BICDL1: variants seen among roughly 807,000 people sequenced by gnomAD.
The protein encoded by BICDL1 is BICD family-like cargo adapter 1.
BICDL1 carries 20 observed loss-of-function variants against 76.8 expected under a neutral mutation model. The ratio of observed to expected loss-of-function variants is 0.26; its 90% CI spans 0.18 to 0.38. BICDL1 has a LOEUF of 0.38. Among genes scored for constraint, BICDL1 ranks in the 10% least tolerant of loss-of-function variants. The probability of loss-of-function intolerance (pLI) is 1.00; values close to 1 mark genes in which losing one functional copy is unlikely to be tolerated. For synonymous variants in BICDL1, 383 were observed against 337.1 expected (o/e 1.14, Z -1.49); for missense variants, 700 against 798.6 (o/e 0.88, Z 1.49).
intron 2 of BICDL1, among the ~76,000 whole-genome samples, chr12:120,056,852 C>A (rs948283879): frequency 2.6e-5 from 4 of 152,208 alleles, no homozygotes; most frequent in Non-Finnish European, 4.4e-5. Flanking sequence ...AGCACTGACC[C>A]TGCTGGGCAG....
intron 8 of BICDL1, 126 bp from the exon 9 acceptor site, chr12:120,089,822 AGCT>A (rs370792404): frequency 1.9e-6 from 2 of 1,065,856 alleles, no homozygotes; most frequent in African/African-American, 3.2e-5. Context: ...TTATTGTTGC[AGCT>A]GCTATTTGTT....
At chr12:120,059,119 G>A (rs920092050) in intron 2 of BICDL1, among the ~76,000 whole-genome samples, 1 of 149,812 alleles carries the variant, frequency 6.7e-6, no homozygotes, top group South Asian at 2.1e-4. Flanking sequence ...TTTTTGAGAC[G>A]TAGTCTTGCT....
chr12:120,033,705 A>G (rs1952476975), intron 2 of BICDL1, among the ~76,000 whole-genome samples: 1 of 151,790 alleles, frequency 6.6e-6, no homozygotes, highest in Non-Finnish European at 1.5e-5. Context: ...TTGCTTTTAA[A>G]TTTACCTGGT....
intron 6 of BICDL1, among the ~76,000 whole-genome samples, chr12:120,073,631 C>T (rs934628520): frequency 1.3e-5 from 2 of 152,202 alleles, no homozygotes; most frequent in Non-Finnish European, 2.9e-5. Context: ...CCTCCACTCA[C>T]GCTCCCAGCT....
In BICDL1 at chr12:119,989,848, C is replaced by CG. The variant is rs1393237137; in HGVS notation, c.-18dup. On this transcript the variant is annotated 5_prime_UTR_variant, in exon 1 of 10. Transcript: ENST00000548673. ...GCGCGCGGGCCGGGCCGCACCGCTG[C>CG]GGGCTCCGCGCGCGCGGGCCATGTC... 9.9e-6 allele frequency: 13 copies of CG among 1,314,680 alleles called. No homozygotes were observed. In the African/African-American group the frequency reaches 2.1e-4, roughly 21 times the overall value. The allele number at this position is 1,314,680 out of a possible 1,614,324, so 81.4% of individuals were successfully genotyped here.
intron 2 of BICDL1, among the ~76,000 whole-genome samples, chr12:120,044,711 AGTTGTAGATATGCGGC>A (rs1057239167): frequency 6.6e-6 from 1 of 152,112 alleles, no homozygotes; most frequent in African/African-American, 2.4e-5. Context: ...AAGATCAGAT[AGTTGTAGATATGCGGC>A]GTTATTTCTG....
chr12:120,036,790 C>T (rs1952538643), intron 2 of BICDL1, among the ~76,000 whole-genome samples: 1 of 152,192 alleles, frequency 6.6e-6, no homozygotes, highest in South Asian at 2.1e-4. Context: ...ACAGAAGAAT[C>T]ACTTGAACCC....
intron 2 of BICDL1, among the ~76,000 whole-genome samples, chr12:120,012,264 G>A (rs1951970117): frequency 1.3e-5 from 2 of 152,302 alleles, no homozygotes; most frequent in East Asian, 1.9e-4. Context: ...CACGACTGAC[G>A]GTGTGGGGAA....
chr12:120,008,622 T>C (rs941706611), intron 2 of BICDL1, among the ~76,000 whole-genome samples: 22 of 152,316 alleles, frequency 1.4e-4, no homozygotes, highest in Middle Eastern at 3.4e-3. Context: ...CCACTTCATA[T>C]GTATTTCTAT....
intron 9 of BICDL1, chr12:120,092,252 C>G (rs1875034881): frequency 1.0e-6 from 1 of 985,300 alleles, no homozygotes; most frequent in Non-Finnish European, 1.2e-6. Context: ...TTCTGTAAAA[C>G]ATGGTGGGGC....
chr12:120,017,910 T>A (rs1321157546), intron 2 of BICDL1, among the ~76,000 whole-genome samples: 1 of 152,208 alleles, frequency 6.6e-6, no homozygotes, highest in African/African-American at 2.4e-5. Flanking sequence ...CACAAACTTT[T>A]TTGAAATGGG....
chr12:120,081,349 C>CTTTTT (rs1184204926), intron 8 of BICDL1, among the ~76,000 whole-genome samples: 4 of 116,962 alleles, frequency 3.4e-5, no homozygotes, highest in African/African-American at 6.9e-5. Flanking sequence ...AAGAGCTTTC[C>CTTTTT]TTTTTTTTTT....
At chr12:119,991,574 A>G (rs1027519011) in intron 1 of BICDL1, among the ~76,000 whole-genome samples, 2 of 152,140 alleles carry the variant, frequency 1.3e-5, no homozygotes, top group Non-Finnish European at 2.9e-5. Flanking sequence ...TGAATTGTTT[A>G]ATTTTCACTT....
intron 2 of BICDL1, among the ~76,000 whole-genome samples, chr12:120,008,948 T>G (rs1338471722): frequency 1.4e-5 from 2 of 146,288 alleles, no homozygotes; most frequent in South Asian, 2.1e-4. Flanking sequence ...ATAGAGGTGT[T>G]TTTTTTTTTT....
At chr12:120,088,870 T>C (rs913169357) in intron 8 of BICDL1, among the ~76,000 whole-genome samples, 9 of 151,608 alleles carry the variant, frequency 5.9e-5, no homozygotes, top group Non-Finnish European at 1.2e-4. Flanking sequence ...GTTTCACTGT[T>C]AGCCAGGATG....
At chr12:120,013,281 T>C (rs1594113670) in intron 2 of BICDL1, among the ~76,000 whole-genome samples, 1 of 145,126 alleles carries the variant, frequency 6.9e-6, no homozygotes, top group Non-Finnish European at 1.5e-5. Flanking sequence ...ACCTCTTCAC[T>C]CCAGCCTGGG....
Position 120,089,996 on chromosome 12 carries a change from G to T in BICDL1, c.1629G>T (p.Met543Ile). 6.2e-7 allele frequency: 1 copy of T among 1,614,186 alleles called. No homozygotes were observed. The highest frequency in any genetic ancestry group is 2.2e-5 in the East Asian group (1 of 44,882). The change falls in exon 9 of 10, where the codon ATG (methionine) becomes ATT (isoleucine). Residue 543 changes from methionine (M) to isoleucine (I), a missense_variant. Met to Ile is a conservative substitution (Grantham distance 10). This residue lies in a region of BICDL1 where 455 missense variants were observed against 548.7 expected (regional missense o/e 0.83). Coordinates refer to ENST00000548673, the MANE Select transcript of BICDL1 (RefSeq NM_001367886.1). ...AACTTGCCAAGTGCAGGATGGATATGATGTCTCTGAACAGCCAGTTGCTGG... is the reference window on the plus strand; with the variant it reads ...AACTTGCCAAGTGCAGGATGGATATTATGTCTCTGAACAGCCAGTTGCTGG... ...ELELAKCRMD[M>I]MSLNSQLLDA...
intron 4 of BICDL1, among the ~76,000 whole-genome samples, chr12:120,065,253 G>A (rs1377592703): frequency 6.6e-6 from 1 of 152,178 alleles, no homozygotes; most frequent in African/African-American, 2.4e-5. Context: ...AGCTCATAAT[G>A]CTCTCTGCTG....
intron 2 of BICDL1, among the ~76,000 whole-genome samples, chr12:120,017,203 T>G (rs966361351): frequency 6.6e-6 from 1 of 152,200 alleles, no homozygotes. Context: ...GCCTAGATGT[T>G]GTTTTATATC....
Sources: gnomAD v4.1 joint callset for allele counts (sites outside exome capture counted in the v4.1 genomes callset) on GRCh38, gnomAD v4.1.1 for gene constraint, gnomAD v4.1.1 regional missense constraint, MANE v1.5 for transcripts, NCBI Gene and HGNC (gene_info 2026-07-23, HGNC 2026-07-21) for gene names.